The following UBE4B variants were observed in gnomAD, a reference collection of about 807,000 sequenced individuals.
UBE4B encodes the protein ubiquitin conjugation factor E4 B.
Under a neutral mutation model 148.1 loss-of-function variants are expected in UBE4B, and 27 were observed. That is an observed-to-expected ratio of 0.18 (90% CI 0.13 to 0.25). UBE4B has a LOEUF of 0.25. Ranked by LOEUF, UBE4B falls within the 10% of genes least tolerant of loss-of-function variation. UBE4B has a pLI of 1.00. For missense variants in UBE4B, 1,170 were observed against 1,662.4 expected, an observed-to-expected ratio of 0.70 and a Z score of 5.15; for synonymous variants, 596 against 619.3, an observed-to-expected ratio of 0.96 and a Z score of 0.56.
intron 1 of UBE4B, among the ~76,000 whole-genome samples, chr1:10,068,962 C>A (rs1644438684): frequency 1.3e-5 from 2 of 152,346 alleles, no homozygotes; most frequent in African/African-American, 2.4e-5. Flanking sequence ...TTCTCCTACT[C>A]CTTCTGTCAT....
At chr1:10,118,666 G>A (rs552111254) in intron 8 of UBE4B, among the ~76,000 whole-genome samples, 32 of 151,582 alleles carry the variant, frequency 2.1e-4, no homozygotes, top group African/African-American at 3.9e-4. Context: ...CACCATGCCC[G>A]GCTAATTTTG....
intron 17 of UBE4B, among the ~76,000 whole-genome samples, chr1:10,141,875 G>A (rs1484650875): frequency 3.9e-5 from 6 of 152,086 alleles, no homozygotes. Flanking sequence ...AACTCTTTGG[G>A]TCCCAGTCTT....
At chr1:10,148,848 G>A (rs1645924244) in intron 19 of UBE4B, among the ~76,000 whole-genome samples, 1 of 151,090 alleles carries the variant, frequency 6.6e-6, no homozygotes, top group Admixed American at 6.6e-5. Context: ...GCTGAGACAT[G>A]ATAATCGATT....
chr1:10,159,340 T>C (rs978513405), intron 22 of UBE4B, among the ~76,000 whole-genome samples: 1 of 152,126 alleles, frequency 6.6e-6, no homozygotes, highest in Non-Finnish European at 1.5e-5. Flanking sequence ...AAAAGGGAGA[T>C]GAAGATGCTG....
Position 10,156,239 on chromosome 1 carries a change from CTTTT to C in UBE4B, c.2927-2102_2927-2099del, listed in dbSNP as rs199801311. Reference sequence around the variant, plus strand: ...ATATTGTTTTGTTTCATTTTCTTTTCTTTTTTTTTTTTTTTTTTGAGCTAGGGTC... The same window carrying C: ...ATATTGTTTTGTTTCATTTTCTTTTCTTTTTTTTTTTTTTGAGCTAGGGTC... On this transcript the variant is annotated intron_variant, in intron 21 of 27. Coordinates refer to ENST00000343090, the MANE Select transcript of UBE4B (RefSeq NM_001105562.3). Among the ~76,000 whole-genome samples the C allele has an allele frequency of 9.2e-3, 1,133 of 123,762 alleles. 7 individuals are homozygous for C. The highest frequency in any genetic ancestry group is 0.02 in the African/African-American group (653 of 32,052). The allele number at this position is 123,762 out of a possible 152,430, so 81.2% of individuals were successfully genotyped here.
chr1:10,093,852 G>A (rs914636596), intron 2 of UBE4B, among the ~76,000 whole-genome samples: 23 of 151,864 alleles, frequency 1.5e-4, no homozygotes, highest in Non-Finnish European at 2.4e-4. Context: ...GGGCCACCAC[G>A]CCCAGCTAAT....
At chr1:10,060,791 A>T (rs1231059135) in intron 1 of UBE4B, among the ~76,000 whole-genome samples, 1 of 151,270 alleles carries the variant, frequency 6.6e-6, no homozygotes, top group Non-Finnish European at 1.5e-5. Context: ...AGCCAGTCTC[A>T]CTCTGTTGCC....
intron 25 of UBE4B, among the ~76,000 whole-genome samples, chr1:10,176,849 G>C (rs1434111568): frequency 6.8e-6 from 1 of 146,822 alleles, no homozygotes; most frequent in African/African-American, 2.5e-5. Context: ...GCAGTGGTGC[G>C]ATCTCAGCCT....
Position 10,129,488 on chromosome 1 carries a change from T to C in UBE4B, c.1695+40T>C, listed in dbSNP as rs1375834258. Reference sequence around the variant, plus strand: ...GATGGGCTTGCACATTTTCAGTGAATATATCATAACCCAGAAGGCATTCCT... The same window carrying C: ...GATGGGCTTGCACATTTTCAGTGAACATATCATAACCCAGAAGGCATTCCT... On this transcript the variant is annotated intron_variant, in intron 12 of 27. Transcript: ENST00000343090. 4 of 1,590,886 alleles carry C rather than the reference T, an allele frequency of 2.5e-6. No individual in the cohort carries two copies. In the Admixed American group the frequency reaches 5.0e-5, roughly 20 times the overall value.
Position 10,171,186 on chromosome 1 carries a change from C to T in UBE4B, c.3382C>T (p.Leu1128Phe), listed in dbSNP as rs761137792. ...AAMLNFNLQQ[L>F]CGPKCRDLKV... ...AATGCTGAACTTTAATCTTCAGCAA[C>T]TTTGTGGCCCCAAGTGCCGTGACCT... The change falls in exon 25 of 28, where the codon CTT (leucine) becomes TTT (phenylalanine). Residue 1128 changes from leucine to phenylalanine, a missense_variant. Coordinates refer to ENST00000343090, the MANE Select transcript of UBE4B (RefSeq NM_001105562.3). 6.2e-7 allele frequency: 1 copy of T among 1,614,152 alleles called. No individual in the cohort carries two copies. Among genetic ancestry groups the T allele is most frequent in the Non-Finnish European group, 8.5e-7 (1 of 1,180,034 alleles).
At chr1:10,052,876 A>G (rs1644079247) in intron 1 of UBE4B, among the ~76,000 whole-genome samples, 1 of 152,206 alleles carries the variant, frequency 6.6e-6, no homozygotes, top group African/African-American at 2.4e-5. Context: ...TCCAAGATCA[A>G]GGTGCTAAGA....
At chr1:10,082,634 T>A (rs1644701023) in intron 2 of UBE4B, among the ~76,000 whole-genome samples, 1 of 138,834 alleles carries the variant, frequency 7.2e-6, no homozygotes, top group Non-Finnish European at 1.5e-5. Context: ...GAAGGCGACT[T>A]TTTTTTTTTT....
At chr1:10,119,719 C>A in intron 9 of UBE4B, 106 bp downstream of exon 9, 1 of 899,762 alleles carries the variant, frequency 1.1e-6, no homozygotes, top group South Asian at 1.5e-5. Context: ...TAACTCCCTT[C>A]CTCACCTGTA....
At chr1:10,077,582 G>A (rs938846139) in intron 2 of UBE4B, among the ~76,000 whole-genome samples, 4 of 152,192 alleles carry the variant, frequency 2.6e-5, no homozygotes, top group African/African-American at 9.7e-5. Context: ...AATGCCAAGT[G>A]TTATGTGGCT....
At chr1:10,102,839 T>A in intron 4 of UBE4B, 109 bp from the exon 5 acceptor site, 1 of 1,222,452 alleles carries the variant, frequency 8.2e-7, no homozygotes, top group Non-Finnish European at 1.1e-6. Flanking sequence ...CATGCATTTT[T>A]AAAATATCAT....
At chr1:10,098,217 C>A (rs190535900) in intron 3 of UBE4B, among the ~76,000 whole-genome samples, 1 of 152,170 alleles carries the variant, frequency 6.6e-6, no homozygotes, top group Non-Finnish European at 1.5e-5. Flanking sequence ...ATATCATGAT[C>A]AATTTAGGCT....
Position 10,063,148 on chromosome 1 carries a change from G to T in UBE4B, c.25-8880G>T, listed in dbSNP as rs149849363. Among the ~76,000 whole-genome samples, 1,386 of 150,660 alleles carry T rather than the reference G, an allele frequency of 9.2e-3. 30 individuals are homozygous for T. Among genetic ancestry groups the T allele is most frequent in the Middle Eastern group, 0.038 (11 of 286 alleles). On this transcript the variant is annotated intron_variant, in intron 1 of 27. Transcript: ENST00000343090. ...CTGGGTGTGGTGGCGCATGCCTGTA[G>T]TCCCAGCCACTGGGGAGGCTGAGGC...
chr1:10,034,596 G>A (rs1643431698), intron 1 of UBE4B, among the ~76,000 whole-genome samples: 2 of 152,010 alleles, frequency 1.3e-5, no homozygotes, highest in Admixed American at 6.6e-5. Flanking sequence ...ACCCCTACTG[G>A]CCATACCCTC....
Position 10,149,181 on chromosome 1 carries a change from C to T in UBE4B, c.2592-3C>T. The T allele has an allele frequency of 6.3e-7, 1 of 1,575,810 alleles. No individual in the cohort carries two copies. Among genetic ancestry groups the T allele is most frequent in the Non-Finnish European group, 8.6e-7 (1 of 1,165,588 alleles). On this transcript the variant is annotated splice_polypyrimidine_tract_variant and splice_region_variant and intron_variant, in intron 19 of 27. Transcript: ENST00000343090. ...TAAATTGTCCTTTTTTTCTCTTTGA[C>T]AGTATAACACTGCCTTTAAATTCAG...
Sources: allele counts gnomAD v4.1 joint callset (sites outside exome capture counted in the v4.1 genomes callset), GRCh38; gene constraint gnomAD v4.1.1; transcripts MANE v1.5; gene names NCBI Gene and HGNC (gene_info 2026-07-23, HGNC 2026-07-21).